The following HUWE1 variants were observed in gnomAD, a reference collection of about 807,000 sequenced individuals.
The protein encoded by HUWE1 is E3 ubiquitin-protein ligase HUWE1.
HUWE1 carries 18 observed loss-of-function variants against 299.4 expected under a neutral mutation model. The ratio of observed to expected loss-of-function variants is 0.06; its 90% CI spans 0.04 to 0.09. The LOEUF (loss-of-function observed/expected upper bound fraction) is 0.09, where lower values mean the gene tolerates loss of function less well. Among genes scored for constraint, HUWE1 ranks in the 10% least tolerant of loss-of-function variants. The pLI is 1.00. For synonymous variants in HUWE1, 1,317 were observed against 1,286.1 expected, an observed-to-expected ratio of 1.02 and a Z score of -0.51; for missense variants, 1,832 against 3,462.3, an observed-to-expected ratio of 0.53 and a Z score of 11.82.
intron 37 of HUWE1, 107 bp from the exon 38 acceptor site, chrX:53,587,016 G>T: frequency 1.1e-6 from 1 of 909,023 alleles, no homozygotes; most frequent in Non-Finnish European, 1.6e-6. Context: ...AATAATAATA[G>T]AATTGGTTGA....
intron 83 of HUWE1, chrX:53,533,730 T>A (rs968508797): frequency 2.3e-6 from 1 of 441,109 alleles, no homozygotes; most frequent in African/African-American, 2.4e-5. Flanking sequence ...CTTTAGACTT[T>A]TGCTCCCTGC....
Position 53,656,132 on chromosome X carries a change from T to A in HUWE1, c.-24-2001A>T, listed in dbSNP as rs1228175303. ...GGCTCACACCTGTAATCCCAGCACT[T>A]TGGGAGGCTGAGGCGGGCGGATCAT... On this transcript the variant is annotated intron_variant, in intron 3 of 83. Transcript: ENST00000262854. Among the ~76,000 whole-genome samples, 4 of 106,130 alleles carry A rather than the reference T, an allele frequency of 3.8e-5. No homozygotes were observed. In the East Asian group the frequency reaches 1.2e-3, roughly 32 times the overall value. The allele number at this position is 106,130 out of a possible 115,157, so 92.2% of individuals were successfully genotyped here. A position where few individuals can be genotyped will look rare whatever the true frequency, so the allele number is the denominator to read the frequency against.
intron 52 of HUWE1, 126 bp from the exon 53 acceptor site, chrX:53,563,055 G>A: frequency 1.8e-6 from 1 of 544,546 alleles, no homozygotes; most frequent in East Asian, 3.6e-5. Context: ...GAGAAGACCT[G>A]GATTGTCTGC....
chrX:53,634,410 T>G, intron 7 of HUWE1, 112 bp from the exon 8 acceptor site: 1 of 544,726 alleles, frequency 1.8e-6, no homozygotes, highest in Non-Finnish European at 3.3e-6. Context: ...TCTATGTATA[T>G]ACACATACAT....
At chrX:53,596,470 A>G (rs1394856586) in intron 29 of HUWE1, among the ~76,000 whole-genome samples, 5 of 112,523 alleles carry the variant, frequency 4.4e-5, no homozygotes, top group Non-Finnish European at 5.6e-5. Flanking sequence ...ATGCACATAC[A>G]CTTATACACG....
chrX:53,682,081 C>T lies in HUWE1; in HGVS notation c.-162-1895G>A, dbSNP rs181657256. ...CACCAAGAATGTACAGTTAAAGAAACAAAAATCTCTTACTCTTTCCCAGGT... is the reference window on the plus strand; with the variant it reads ...CACCAAGAATGTACAGTTAAAGAAATAAAAATCTCTTACTCTTTCCCAGGT... On this transcript the variant is annotated intron_variant, in intron 2 of 83. Coordinates refer to ENST00000262854, the MANE Select transcript of HUWE1 (RefSeq NM_031407.7). Among the ~76,000 whole-genome samples the T allele has an allele frequency of 9.8e-5, 11 of 112,076 alleles. No homozygotes were observed. The East Asian group carries it at 3.1e-3, about 31-fold the overall frequency.
At chrX:53,537,431 C>T in intron 78 of HUWE1, 125 bp downstream of exon 78, 1 of 736,412 alleles carries the variant, frequency 1.4e-6, no homozygotes, top group Non-Finnish European at 2.1e-6. Flanking sequence ...AAACCAGATT[C>T]CTATGGGGAA....
At chrX:53,684,022 G>A (rs1557054662) in intron 2 of HUWE1, 2 of 294,416 alleles carry the variant, frequency 6.8e-6, no homozygotes, top group East Asian at 4.8e-5. Context: ...GCGCGATCCC[G>A]CGAGAACCTC....
chrX:53,620,132 GCCCTCAGTTAGTT>G (rs1420535258), intron 19 of HUWE1, among the ~76,000 whole-genome samples: 1 of 111,393 alleles, frequency 9.0e-6, no homozygotes, highest in Non-Finnish European at 1.9e-5. Flanking sequence ...CACTATTATA[GCCCTCAGTTAGTT>G]CCCTTTGGGC....
chrX:53,624,848 T>C (rs959550622), intron 18 of HUWE1, among the ~76,000 whole-genome samples, 173 bp from the exon 19 acceptor site: 7 of 111,752 alleles, frequency 6.3e-5, no homozygotes, highest in African/African-American at 2.3e-4. Flanking sequence ...GTCCATGCAA[T>C]AGGCTTTCTA....
At chrX:53,571,768 C>G (rs1179905019) in intron 47 of HUWE1, among the ~76,000 whole-genome samples, 1 of 111,653 alleles carries the variant, frequency 9.0e-6, no homozygotes, top group African/African-American at 3.3e-5. Context: ...TAAATTTTAA[C>G]TATAATGCAA....
In HUWE1 at chrX:53,632,478, C is replaced by T. The variant is rs201472572; in HGVS notation, c.645+9G>A. Reference sequence around the variant, plus strand: ...AGACTTTGTCAGAACAAATCTGAATCAGACTCACCCTTTTCTCAATTTTGA... The same window carrying T: ...AGACTTTGTCAGAACAAATCTGAATTAGACTCACCCTTTTCTCAATTTTGA... On this transcript the variant is annotated intron_variant, in intron 9 of 83. Coordinates refer to ENST00000262854, the MANE Select transcript of HUWE1 (RefSeq NM_031407.7). The T allele has an allele frequency of 1.3e-5, 15 of 1,175,575 alleles. No individual in the cohort carries two copies. In the African/African-American group the frequency reaches 2.1e-4, roughly 17 times the overall value.
At chrX:53,645,186 A>T in intron 7 of HUWE1, 125 bp downstream of exon 7, 1 of 682,856 alleles carries the variant, frequency 1.5e-6, no homozygotes, top group Non-Finnish European at 2.3e-6. Flanking sequence ...AATAGTTCTA[A>T]CTCAATTAGG....
intron 43 of HUWE1, among the ~76,000 whole-genome samples, chrX:53,578,729 C>G (rs1319433623): frequency 1.5e-5 from 1 of 67,008 alleles, no homozygotes; most frequent in Non-Finnish European, 2.9e-5. Context: ...AGGTGAGGGG[C>G]GCCTCTGCCC....
At chrX:53,618,575 T>C (rs2065933716) in intron 19 of HUWE1, among the ~76,000 whole-genome samples, 1 of 107,807 alleles carries the variant, frequency 9.3e-6, no homozygotes, top group Non-Finnish European at 1.9e-5. Context: ...CTTTTTTTTT[T>C]TTTTTTTTAG....
At chrX:53,655,339 T>G (rs2068695262) in intron 3 of HUWE1, among the ~76,000 whole-genome samples, 1 of 111,079 alleles carries the variant, frequency 9.0e-6, no homozygotes, top group Admixed American at 9.6e-5. Flanking sequence ...ACTATGGAAA[T>G]AGCGTGTATT....
At chrX:53,561,990 C>A in intron 54 of HUWE1, 66 bp from the exon 55 acceptor site, 4 of 1,211,076 alleles carry the variant, frequency 3.3e-6, no homozygotes, top group Non-Finnish European at 4.5e-6. Context: ...GGTGCCATGG[C>A]CACATGTGCA....
At chrX:53,572,790 AG>A (rs1556952970) in intron 47 of HUWE1, among the ~76,000 whole-genome samples, 2 of 111,946 alleles carry the variant, frequency 1.8e-5, no homozygotes, top group Non-Finnish European at 3.8e-5. Flanking sequence ...TACATCTGGA[AG>A]ATGAACACCT....
chrX:53,573,057 A>G (rs782165841), intron 47 of HUWE1, among the ~76,000 whole-genome samples: 2 of 110,544 alleles, frequency 1.8e-5, no homozygotes, highest in Admixed American at 9.6e-5. Context: ...TCTTCAACTC[A>G]CCCATTTTCC....
Sources: gnomAD v4.1 joint callset for allele counts (sites outside exome capture counted in the v4.1 genomes callset) on GRCh38, gnomAD v4.1.1 for gene constraint, MANE v1.5 for transcripts, NCBI Gene and HGNC (gene_info 2026-07-23, HGNC 2026-07-21) for gene names.